Variants in SLC9A9 observed in about 807,000 individuals in gnomAD.
SLC9A9 encodes the protein sodium/hydrogen exchanger 9.
A neutral mutation model predicts 77.8 loss-of-function variants in SLC9A9; 62 were observed. The ratio of observed to expected loss-of-function variants is 0.80; its 90% CI spans 0.65 to 0.98. The LOEUF (loss-of-function observed/expected upper bound fraction) is 0.98. SLC9A9 is among the 50% of genes least tolerant of loss of function. The pLI is 0.00. For synonymous variants in SLC9A9, 320 were observed against 283.5 expected (o/e 1.13, Z -1.29); for missense variants, 775 against 774.9 (o/e 1.00, Z 0.00).
At chr3:143,697,304 A>G (rs914708173) in intron 4 of SLC9A9, among the ~76,000 whole-genome samples, 53 of 152,176 alleles carry the variant, frequency 3.5e-4, no homozygotes, top group Non-Finnish European at 1.0e-4. Flanking sequence ...TTAGATGCAT[A>G]CAGCCTCATG....
intron 9 of SLC9A9, among the ~76,000 whole-genome samples, chr3:143,549,670 A>G (rs971949588): frequency 1.3e-5 from 2 of 152,206 alleles, no homozygotes; most frequent in African/African-American, 4.8e-5. Context: ...GAGGGAGAAC[A>G]GAAGGCTATG....
chr3:143,350,255 G>C (rs72992112), intron 14 of SLC9A9, among the ~76,000 whole-genome samples: 11,767 of 152,150 alleles, frequency 0.077, 1,012 homozygotes, highest in African/African-American at 0.2. Context: ...TGAGGCCAGA[G>C]TTTTCTGGCA....
At chr3:143,681,931 T>C (rs182567740) in intron 5 of SLC9A9, among the ~76,000 whole-genome samples, 108 of 152,294 alleles carry the variant, frequency 7.1e-4, no homozygotes, top group African/African-American at 2.3e-3. Context: ...TGCAGGCTAA[T>C]GTCAACTACT....
At chr3:143,319,978 C>T (rs74781083) in intron 14 of SLC9A9, among the ~76,000 whole-genome samples, 6,151 of 152,238 alleles carry the variant, frequency 0.04, 216 homozygotes, top group African/African-American at 0.1. Context: ...CACCTGTGTC[C>T]ACTGCTTCAC....
intron 4 of SLC9A9, among the ~76,000 whole-genome samples, chr3:143,696,373 G>A (rs1009165109): frequency 1.3e-5 from 2 of 152,150 alleles, no homozygotes; most frequent in Non-Finnish European, 2.9e-5. Flanking sequence ...CATGCTAAAG[G>A]CACAAATTAT....
intron 12 of SLC9A9, among the ~76,000 whole-genome samples, chr3:143,395,559 C>A (rs529908844): frequency 6.6e-6 from 1 of 152,282 alleles, no homozygotes; most frequent in East Asian, 1.9e-4. Flanking sequence ...ATGTCTAAAA[C>A]ACCAAAAGCA....
rs184354041 is a variant in SLC9A9, at chr3:143,736,493, G to T, written c.534-43186C>A. On this transcript the variant is annotated intron_variant, in intron 4 of 15. Transcript: ENST00000316549. ...CTGACCTCCTAGAATTTATGCTCTAGTGAAAGCAGATGTTTAGTAAACGTT... is the reference window on the plus strand; with the variant it reads ...CTGACCTCCTAGAATTTATGCTCTATTGAAAGCAGATGTTTAGTAAACGTT... Among the ~76,000 whole-genome samples the T allele has an allele frequency of 3.9e-5, 6 of 152,266 alleles. No individual in the cohort carries two copies. In the South Asian group the frequency reaches 1.2e-3, roughly 32 times the overall value.
chr3:143,743,521 G>T (rs971744689), intron 4 of SLC9A9, among the ~76,000 whole-genome samples: 1 of 152,142 alleles, frequency 6.6e-6, no homozygotes, highest in Non-Finnish European at 1.5e-5. Flanking sequence ...GTCCAAAGGT[G>T]GGGGAAGAGT....
At chr3:143,843,461 A>T (rs1379738236) in intron 1 of SLC9A9, among the ~76,000 whole-genome samples, 2 of 152,278 alleles carry the variant, frequency 1.3e-5, no homozygotes, top group Admixed American at 1.3e-4. Flanking sequence ...TGTTAAGCAC[A>T]TTCTTAAAGA....
intron 12 of SLC9A9, among the ~76,000 whole-genome samples, chr3:143,417,052 G>T (rs1478760208): frequency 3.3e-5 from 5 of 152,194 alleles, no homozygotes; most frequent in Non-Finnish European, 5.9e-5. Flanking sequence ...GAACATACTG[G>T]TATGCTGACG....
intron 4 of SLC9A9, among the ~76,000 whole-genome samples, chr3:143,711,214 T>C (rs1469892233): frequency 6.6e-6 from 1 of 152,210 alleles, no homozygotes; most frequent in Non-Finnish European, 1.5e-5. Flanking sequence ...TTGTGATGCA[T>C]GTAATACAAC....
Position 143,807,659 on chromosome 3 carries a change from C to T in SLC9A9, c.379-10756G>A, listed in dbSNP as rs191267181. ...ACTTGGGAGGCTGAGGCAGGAGAAT[C>T]GCTTGATCCTGGGAGGCGGAGGTTG... On this transcript the variant is annotated intron_variant, in intron 2 of 15. Transcript: ENST00000316549. Among the ~76,000 whole-genome samples, 157 of 152,264 alleles carry T rather than the reference C, an allele frequency of 1.0e-3. 2 individuals carry two copies. In the South Asian group the frequency reaches 0.018, roughly 17 times the overall value.
At chr3:143,289,991 C>T (rs929974994) in intron 14 of SLC9A9, among the ~76,000 whole-genome samples, 1 of 152,166 alleles carries the variant, frequency 6.6e-6, no homozygotes, top group African/African-American at 2.4e-5. Context: ...TTTGTACTTG[C>T]TACTTCTTCC....
intron 6 of SLC9A9, among the ~76,000 whole-genome samples, chr3:143,594,454 C>A (rs2037717327): frequency 6.8e-6 from 1 of 148,060 alleles, no homozygotes; most frequent in Non-Finnish European, 1.5e-5. Context: ...ATATTATTTA[C>A]ATATCACTAG....
At chr3:143,459,748 C>T (rs986634432) in intron 12 of SLC9A9, among the ~76,000 whole-genome samples, 1 of 152,096 alleles carries the variant, frequency 6.6e-6, no homozygotes, top group African/African-American at 2.4e-5. Context: ...AGCCTCTTTT[C>T]CTGGTCCTCT....
At chr3:143,804,985 A>C (rs1205457170) in intron 2 of SLC9A9, among the ~76,000 whole-genome samples, 3 of 152,148 alleles carry the variant, frequency 2.0e-5, no homozygotes, top group African/African-American at 7.2e-5. Flanking sequence ...ATATTTTTAA[A>C]TGAAGAGTAT....
intron 13 of SLC9A9, among the ~76,000 whole-genome samples, chr3:143,370,567 GCA>G (rs57705324): frequency 0.014 from 1,949 of 143,328 alleles, 11 homozygotes; most frequent in African/African-American, 0.025. Context: ...GCATGTGCGC[GCA>G]CACACACACA....
intron 1 of SLC9A9, among the ~76,000 whole-genome samples, chr3:143,841,312 C>T (rs1256241269): frequency 4.6e-5 from 7 of 152,156 alleles, no homozygotes; most frequent in African/African-American, 1.7e-4. Flanking sequence ...ACATGTGCAA[C>T]TTCAGGCAAG....
At chr3:143,651,977 G>T (rs1271013060) in intron 6 of SLC9A9, among the ~76,000 whole-genome samples, 1 of 77,536 alleles carries the variant, frequency 1.3e-5, no homozygotes, top group African/African-American at 6.8e-5. Context: ...TCATTTATGT[G>T]CATTTTAGGA....
Sources: allele counts gnomAD v4.1 joint callset (sites outside exome capture counted in the v4.1 genomes callset), GRCh38; gene constraint gnomAD v4.1.1; transcripts MANE v1.5; gene names NCBI Gene and HGNC (gene_info 2026-07-23, HGNC 2026-07-21).